Variants in DOCK2 observed in about 807,000 individuals in gnomAD.
DOCK2 encodes the protein dedicator of cytokinesis protein 2.
A neutral mutation model predicts 248.9 loss-of-function variants in DOCK2; 87 were observed. The observed-to-expected ratio is 0.35, with a 90% CI of 0.29 to 0.42. The LOEUF (loss-of-function observed/expected upper bound fraction) is 0.42. Ranked by LOEUF, DOCK2 falls within the 10% of genes least tolerant of loss-of-function variation. The pLI, the probability that DOCK2 is intolerant of heterozygous loss-of-function variation, is 1.00. For synonymous variants in DOCK2, 805 were observed against 821.6 expected (o/e 0.98, Z 0.35); for missense variants, 1,747 against 2,300.2 (o/e 0.76, Z 4.92).
Position 169,716,295 on chromosome 5 carries a change from A to G in DOCK2, c.2024A>G (p.Asp675Gly). Residue 675 changes from aspartate (D) to glycine (G), a missense_variant, in exon 20 of 52, where the codon GAT becomes GGT. Asp to Gly is a moderately conservative substitution (Grantham distance 94, BLOSUM62 -1). Coordinates refer to ENST00000520908, the MANE Select transcript of DOCK2 (RefSeq NM_004946.3). ...QSDEYDILVF[D>G]ALIYIIGLIA... ...GATGAATATGACATCCTCGTCTTTG[A>G]TGCCTTGGTAAGAGAGAGGGGAAAA... The G allele has an allele frequency of 6.2e-7, 1 of 1,613,532 alleles. No homozygotes were observed. Among genetic ancestry groups the G allele is most frequent in the East Asian group, 2.2e-5 (1 of 44,848 alleles).
chr5:169,887,167 T>C (rs1773019744), intron 27 of DOCK2, among the ~76,000 whole-genome samples: 1 of 152,178 alleles, frequency 6.6e-6, no homozygotes, highest in Admixed American at 6.5e-5. Flanking sequence ...TGTGCAAGGC[T>C]AGCAAGCAGG....
intron 27 of DOCK2, among the ~76,000 whole-genome samples, chr5:169,907,028 C>G (rs1581396475): frequency 6.6e-6 from 1 of 152,172 alleles, no homozygotes; most frequent in Admixed American, 6.5e-5. Flanking sequence ...GGTCCCTGCT[C>G]TCACTGAGCT....
chr5:169,717,576 G>A (rs989848264), intron 21 of DOCK2, 92 bp downstream of exon 21: 19 of 1,156,586 alleles, frequency 1.6e-5, no homozygotes, highest in Non-Finnish European at 2.5e-5. Flanking sequence ...ATTTTCTTTT[G>A]TGACTCATCT....
At chr5:169,996,995 C>T (rs1444826788) in intron 30 of DOCK2, among the ~76,000 whole-genome samples, 1 of 152,084 alleles carries the variant, frequency 6.6e-6, no homozygotes, top group Non-Finnish European at 1.5e-5. Context: ...ACCCGGGGAA[C>T]CAGTGTTCAG....
chr5:169,885,195 A>G (rs770099928), intron 27 of DOCK2, among the ~76,000 whole-genome samples: 1 of 152,234 alleles, frequency 6.6e-6, no homozygotes, highest in East Asian at 1.9e-4. Context: ...ACAAATTGCA[A>G]CTGTTATTAA....
chr5:169,907,465 G>C (rs866335947), intron 27 of DOCK2, among the ~76,000 whole-genome samples: 4 of 152,158 alleles, frequency 2.6e-5, no homozygotes, highest in Non-Finnish European at 5.9e-5. Flanking sequence ...TCTGTGGCTT[G>C]TTTGCTTGGA....
At chr5:169,912,797 A>T (rs984491848) in intron 27 of DOCK2, among the ~76,000 whole-genome samples, 4 of 152,154 alleles carry the variant, frequency 2.6e-5, no homozygotes, top group Admixed American at 2.0e-4. Context: ...CAGGAGCAGC[A>T]GTATAACCAG....
chr5:169,698,000 A>G (rs535066745), intron 10 of DOCK2, among the ~76,000 whole-genome samples: 4 of 152,342 alleles, frequency 2.6e-5, no homozygotes, highest in East Asian at 1.9e-4. Flanking sequence ...CAGAGACCCA[A>G]TCACTGCTGT....
intron 27 of DOCK2, among the ~76,000 whole-genome samples, chr5:169,865,785 C>T (rs1771509789): frequency 6.6e-6 from 1 of 152,180 alleles, no homozygotes; most frequent in Non-Finnish European, 1.5e-5. Flanking sequence ...ACCAAAGACC[C>T]CATGTTGGTT....
intron 27 of DOCK2, among the ~76,000 whole-genome samples, chr5:169,938,120 C>T (rs1776074317): frequency 1.3e-5 from 2 of 152,192 alleles, no homozygotes; most frequent in Non-Finnish European, 2.9e-5. Context: ...GTTATACTTG[C>T]AAGACAAAAT....
At chr5:169,879,984 T>C (rs1331044713) in intron 27 of DOCK2, among the ~76,000 whole-genome samples, 1 of 152,258 alleles carries the variant, frequency 6.6e-6, no homozygotes, top group Non-Finnish European at 1.5e-5. Flanking sequence ...TTCTTGTTTA[T>C]GATGAATAGT....
chr5:170,053,989 A>T (rs1757017384), intron 41 of DOCK2, among the ~76,000 whole-genome samples: 1 of 152,192 alleles, frequency 6.6e-6, no homozygotes, highest in African/African-American at 2.4e-5. Flanking sequence ...GCAAAGACGA[A>T]GGCTGTGGAA....
At position 169,892,034 on chromosome 5, in the gene DOCK2, AAAC is replaced by A. The variant is rs1017152606; in HGVS notation, c.2799+51192_2799+51194del. ...AAAAGAAAAAGAAAAAAGAAAAGAA[AAAC>A]AACAACAACCACTACAACAAACTTT... On this transcript the variant is annotated intron_variant, in intron 27 of 51. Transcript: ENST00000520908. Among the ~76,000 whole-genome samples, 28 of 152,018 alleles carry A rather than the reference AAAC, an allele frequency of 1.8e-4. 1 individual carries two copies. The highest frequency in any genetic ancestry group is 4.8e-5 in the African/African-American group (2 of 41,406).
chr5:169,775,710 A>G (rs75878159), intron 25 of DOCK2, among the ~76,000 whole-genome samples: 3,123 of 152,180 alleles, frequency 0.021, 46 homozygotes, highest in South Asian at 0.05. Context: ...TTCAGTGGAA[A>G]CAGGGCTGTT....
At chr5:169,770,842 T>A (rs1170891209) in intron 25 of DOCK2, among the ~76,000 whole-genome samples, 1 of 152,216 alleles carries the variant, frequency 6.6e-6, no homozygotes, top group East Asian at 1.9e-4. Flanking sequence ...CCATAATTTG[T>A]TCATTCATGC....
intron 22 of DOCK2, among the ~76,000 whole-genome samples, chr5:169,728,562 A>G (rs1043992614): frequency 2.0e-5 from 3 of 152,144 alleles, no homozygotes; most frequent in African/African-American, 4.8e-5. Context: ...CAGGGAGATC[A>G]TGGGACTGGA....
intron 44 of DOCK2, among the ~76,000 whole-genome samples, chr5:170,066,727 T>C (rs973705580): frequency 6.6e-6 from 1 of 152,330 alleles, no homozygotes; most frequent in African/African-American, 2.4e-5. Flanking sequence ...CTGTGGCCCA[T>C]GGACTAAATT....
At chr5:169,707,852 G>A (rs1761361434) in intron 14 of DOCK2, among the ~76,000 whole-genome samples, 1 of 152,238 alleles carries the variant, frequency 6.6e-6, no homozygotes, top group Non-Finnish European at 1.5e-5. Context: ...TAATAAGACT[G>A]GCAGTGTGCA....
At chr5:169,698,260 C>G (rs1760749460) in intron 10 of DOCK2, 114 bp from the exon 11 acceptor site, 1 of 1,037,210 alleles carries the variant, frequency 9.6e-7, no homozygotes, top group African/African-American at 1.6e-5. Flanking sequence ...TTTAGGCCTT[C>G]CTGACCCCCA....
Sources: allele counts gnomAD v4.1 joint callset (sites outside exome capture counted in the v4.1 genomes callset), GRCh38; gene constraint gnomAD v4.1.1; transcripts MANE v1.5; gene names NCBI Gene and HGNC (gene_info 2026-07-23, HGNC 2026-07-21).